SEPTIN10: variants seen among roughly 807,000 people sequenced by gnomAD.
SEPTIN10 encodes the protein septin-10.
A neutral mutation model predicts 54.8 loss-of-function variants in SEPTIN10; 66 were observed. That is an observed-to-expected ratio of 1.21 (90% confidence interval 0.99 to 1.48). The LOEUF is 1.48. Ranked by LOEUF, SEPTIN10 falls within the 40% of genes most tolerant of loss-of-function variation. The pLI, the probability that SEPTIN10 is intolerant of heterozygous loss-of-function variation, is 0.00. For missense variants in SEPTIN10, 620 were observed against 545.6 expected, an observed-to-expected ratio of 1.14 and a Z score of -1.36; for synonymous variants, 161 against 181.0, an observed-to-expected ratio of 0.89 and a Z score of 0.89.
At chr2:109,561,731 TCAC>T (rs1160321818) in intron 8 of SEPTIN10, among the ~76,000 whole-genome samples, 1 of 152,196 alleles carries the variant, frequency 6.6e-6, no homozygotes, top group Non-Finnish European at 1.5e-5. Context: ...TCAATAACGA[TCAC>T]CACCAGTCAC....
chr2:109,584,927 G>T (rs1692121063), intron 4 of SEPTIN10, among the ~76,000 whole-genome samples, 199 bp downstream of exon 4: 1 of 152,108 alleles, frequency 6.6e-6, no homozygotes, highest in Non-Finnish European at 1.5e-5. Flanking sequence ...TTATTCTAAA[G>T]AAATTAGACA....
chr2:109,594,752 CACAT>C (rs1694939217), intron 1 of SEPTIN10: 1 of 152,366 alleles, frequency 6.6e-6, no homozygotes, highest in Admixed American at 6.5e-5. Context: ...CACACACACA[CACAT>C]ACACAGTGAA....
At chr2:109,546,016 C>T (rs754914244) in intron 10 of SEPTIN10, 34 bp downstream of exon 10, 16 of 1,535,730 alleles carry the variant, frequency 1.0e-5, no homozygotes, top group Non-Finnish European at 1.1e-5. Context: ...CAAGTGTGGG[C>T]AGGGCTGCCA....
intron 1 of SEPTIN10, among the ~76,000 whole-genome samples, chr2:109,597,389 A>G (rs1695542071): frequency 2.6e-5 from 4 of 152,234 alleles, no homozygotes; most frequent in Admixed American, 2.6e-4. Flanking sequence ...GGCCTGCTCT[A>G]TTGTTGACCA....
chr2:109,556,119 T>A (rs1166368674), intron 8 of SEPTIN10, among the ~76,000 whole-genome samples: 1 of 152,194 alleles, frequency 6.6e-6, no homozygotes, highest in East Asian at 1.9e-4. Flanking sequence ...AGGAGGAAGA[T>A]TTAACCAGCA....
At chr2:109,568,087 G>A (rs979398884) in intron 5 of SEPTIN10, 111 bp from the exon 6 acceptor site, 1 of 813,788 alleles carries the variant, frequency 1.2e-6, no homozygotes. Flanking sequence ...CCTAAACCTA[G>A]ATCGGGGGGC....
At chr2:109,565,524 C>T (rs1280243723) in intron 7 of SEPTIN10, among the ~76,000 whole-genome samples, 1 of 152,298 alleles carries the variant, frequency 6.6e-6, no homozygotes, top group Non-Finnish European at 1.5e-5. Flanking sequence ...GGTCAGAGTG[C>T]CCCACTGGTG....
intron 1 of SEPTIN10, among the ~76,000 whole-genome samples, chr2:109,601,562 G>T (rs2106161424): frequency 6.6e-6 from 1 of 152,158 alleles, no homozygotes; most frequent in South Asian, 2.1e-4. Flanking sequence ...TTTCCCACTT[G>T]CCTATCAGGG....
At chr2:109,591,468 G>A (rs1414916309) in intron 2 of SEPTIN10, among the ~76,000 whole-genome samples, 3 of 152,126 alleles carry the variant, frequency 2.0e-5, no homozygotes, top group African/African-American at 7.2e-5. Context: ...AGTAATCTCT[G>A]GAGGATTAAA....
chr2:109,545,582 G>C (rs1325516835), intron 10 of SEPTIN10: 1 of 1,534,056 alleles, frequency 6.5e-7, no homozygotes, highest in Non-Finnish European at 8.7e-7. Context: ...AGTATCAGTA[G>C]AATTTGTTCT....
At chr2:109,597,148 C>T (rs1435720482) in intron 1 of SEPTIN10, among the ~76,000 whole-genome samples, 2 of 152,036 alleles carry the variant, frequency 1.3e-5, no homozygotes, top group Non-Finnish European at 2.9e-5. Flanking sequence ...ACTCTGTTGC[C>T]CAGGCTGGTC....
intron 8 of SEPTIN10, among the ~76,000 whole-genome samples, chr2:109,556,670 AG>A (rs1684453558): frequency 1.3e-5 from 2 of 152,178 alleles, no homozygotes; most frequent in East Asian, 3.9e-4. Flanking sequence ...TTTTTTTTAA[AG>A]AAGCCCCTAT....
chr2:109,548,844 TGAGAG>T (rs1370100774), intron 9 of SEPTIN10, among the ~76,000 whole-genome samples: 2 of 142,434 alleles, frequency 1.4e-5, no homozygotes, highest in Non-Finnish European at 3.1e-5. Context: ...AATCAGAGAC[TGAGAG>T]AAGAAACCAG....
At chr2:109,575,430 A>G (rs1001496961) in intron 4 of SEPTIN10, among the ~76,000 whole-genome samples, 1 of 152,222 alleles carries the variant, frequency 6.6e-6, no homozygotes, top group Non-Finnish European at 1.5e-5. Context: ...TTTTATTTTT[A>G]TTTAATTATA....
intron 8 of SEPTIN10, among the ~76,000 whole-genome samples, chr2:109,560,197 G>A (rs1191683764): frequency 6.6e-6 from 1 of 152,180 alleles, no homozygotes; most frequent in East Asian, 1.9e-4. Flanking sequence ...TGGGATTACA[G>A]GCGTGAGCCA....
chr2:109,597,915 T>G (rs1695656939), intron 1 of SEPTIN10, among the ~76,000 whole-genome samples: 2 of 152,150 alleles, frequency 1.3e-5, no homozygotes. Flanking sequence ...ACAGATAAAC[T>G]TCTGATGCTT....
rs138456478 is a variant in SEPTIN10 at position 109,586,731 on chromosome 2, G to GTTAAA, written c.100-898_100-894dup. On this transcript the variant is annotated intron_variant, in intron 2 of 10. Coordinates refer to ENST00000397712, the MANE Select transcript of SEPTIN10 (RefSeq NM_144710.5). The stretch of plus-strand genomic sequence containing the variant: ...CAGAGCTTAAATTTTAAGCCTGTAA[G>GTTAAA]TTAAAGAGTCTCCTGTAAACACCCT... Among the ~76,000 whole-genome samples, 1,435 of 152,310 alleles carry GTTAAA rather than the reference G, an allele frequency of 9.4e-3. 10 individuals carry two copies. Among genetic ancestry groups the GTTAAA allele is most frequent in the Non-Finnish European group, 0.017 (1,136 of 68,034 alleles).
chr2:109,585,074 G>T (rs988668606), intron 4 of SEPTIN10, 52 bp downstream of exon 4: 17 of 1,148,816 alleles, frequency 1.5e-5, no homozygotes, highest in South Asian at 1.8e-5. Context: ...GCTATAAGGC[G>T]AATGTCTTGA....
At chr2:109,591,189 A>T (rs565153281) in intron 2 of SEPTIN10, among the ~76,000 whole-genome samples, 2 of 152,182 alleles carry the variant, frequency 1.3e-5, no homozygotes, top group African/African-American at 4.8e-5. Flanking sequence ...CTTCCTCGTG[A>T]AAGTGTTCAA....
Sources: gnomAD v4.1 joint callset for allele counts (sites outside exome capture counted in the v4.1 genomes callset) on GRCh38, gnomAD v4.1.1 for gene constraint, MANE v1.5 for transcripts, NCBI Gene and HGNC (gene_info 2026-07-23, HGNC 2026-07-21) for gene names.